The following LMF2 variants were observed in gnomAD, a reference collection of about 807,000 sequenced individuals.
LMF2 encodes the protein transmembrane protein 112B.
In LMF2, 113 loss-of-function variants were observed where a neutral mutation model predicts 81.5. The observed-to-expected ratio is 1.39, with a 90% CI of 1.19 to 1.62. The LOEUF (loss-of-function observed/expected upper bound fraction) is 1.62, where lower values mean the gene tolerates loss of function less well. LMF2 is among the 40% of genes most tolerant of loss of function. The probability of loss-of-function intolerance (pLI) is 0.00; values close to 1 mark genes in which losing one functional copy is unlikely to be tolerated. For synonymous variants in LMF2, 645 were observed against 424.5 expected (o/e 1.52, Z -6.39); for missense variants, 1,235 against 929.1 (o/e 1.33, Z -4.28).
In LMF2 at chr22:50,506,498, A is replaced by G; in HGVS notation, c.382T>C (p.Ser128Pro). The G allele has an allele frequency of 6.4e-7, 1 of 1,560,316 alleles. No individual in the cohort carries two copies. Among genetic ancestry groups the G allele is most frequent in the Non-Finnish European group, 8.7e-7 (1 of 1,155,376 alleles). The stretch of plus-strand genomic sequence containing the variant: ...AGGAAGCCAGTCTCTAGCAGCAGGG[A>G]GTCCCTATGGGGAGAGCAAATAGCA... ...GQVFLYFQWD[S>P]LLLETGFLAV... The change falls in exon 4 of 14, where the codon TCC (serine) becomes CCC (proline). Residue 128 changes from serine (S) to proline (P), a missense_variant. Transcript: ENST00000474879.
chr22:50,505,766 T>C lies in LMF2; in HGVS notation c.824A>G (p.Asn275Ser), dbSNP rs1186958806. The C allele has an allele frequency of 1.2e-6, 2 of 1,613,170 alleles. No homozygotes were observed. Among genetic ancestry groups the C allele is most frequent in the East Asian group, 2.2e-5 (1 of 44,868 alleles). Residue 275 changes from asparagine (N) to serine (S), a missense_variant, in exon 6 of 14, where the codon AAC (asparagine) becomes AGC (serine). Physicochemically the swap from Asn to Ser is conservative, Grantham distance 46. Coordinates refer to ENST00000474879, the MANE Select transcript of LMF2 (RefSeq NM_033200.3). Reference sequence around the variant, plus strand: ...AGTGGTAAGCACCAGCGTCATCAGGTTGAAGAAGTTGTAGTTGCCGGTGAT... The same window carrying C: ...AGTGGTAAGCACCAGCGTCATCAGGCTGAAGAAGTTGTAGTTGCCGGTGAT... Reference protein sequence around the residue: ...IIITGNYNFFNLMTLVLTTAL... With the variant: ...IIITGNYNFFSLMTLVLTTAL...
In LMF2 at chr22:50,505,413, G is replaced by C. The variant is rs780870819; in HGVS notation, c.1041C>G (p.His347Gln). The C allele has an allele frequency of 1.2e-6, 2 of 1,613,046 alleles. No homozygotes were observed. The highest frequency in any genetic ancestry group is 1.7e-5 in the Admixed American group (1 of 60,012). The change falls in exon 7 of 14, where the codon CAC becomes CAG. Residue 347 changes from histidine (H) to glutamine (Q), a missense_variant. By Grantham distance (24) the His-to-Gln change is conservative. Coordinates refer to ENST00000474879, the MANE Select transcript of LMF2 (RefSeq NM_033200.3). ...LEVDWQQRTIHSRTTFTFHQF... is the reference protein window; with the variant it reads ...LEVDWQQRTIQSRTTFTFHQF... ...CAGGTCGGCACTCACTGGTTCTGGA[G>C]TGGATGGTGCGCTGCTGCCAGTCAA...
intron 11 of LMF2, 44 bp from the exon 12 acceptor site, chr22:50,504,495 G>GCCCCACCCCCCCCCC: frequency 7.5e-7 from 1 of 1,339,596 alleles, no homozygotes; most frequent in Non-Finnish European, 1.0e-6. Flanking sequence ...TACCCGCCCT[G>GCCCCACCCCCCCCCC]CCCCTCCCCT....
At chr22:50,505,188 C>T in intron 8 of LMF2, 35 bp from the exon 9 acceptor site, 1 of 1,612,784 alleles carries the variant, frequency 6.2e-7, no homozygotes, top group South Asian at 1.1e-5. Context: ...CAGGCCGGCC[C>T]TGCACACCTG....
intron 3 of LMF2, 63 bp downstream of exon 3, chr22:50,506,575 G>C: frequency 1.3e-6 from 2 of 1,594,488 alleles, no homozygotes; most frequent in Non-Finnish European, 1.7e-6. Flanking sequence ...CTCCCAGGAA[G>C]GGCAGAGCCC....
chr22:50,504,958 C>G lies in LMF2; in HGVS notation c.1281G>C (p.Gly427=), dbSNP rs533892145. ...SLVPYSYVEP[G]THGRLWTGAH... is the part of the protein sequence containing the mutation. The stretch of plus-strand genomic sequence containing the variant: ...CCCCGGTCCAGAGGCGCCCGTGGGT[C>G]CCGGGCTCCACGTAGGAGTACGGCA... The change falls in exon 10 of 14, where the codon GGG becomes GGC. Residue 427 remains glycine, a synonymous_variant. Transcript: ENST00000474879. 3 of 1,608,610 alleles carry G rather than the reference C, an allele frequency of 1.9e-6. No homozygotes were observed. Among genetic ancestry groups the G allele is most frequent in the Middle Eastern group, 3.3e-4 (2 of 6,046 alleles).
rs539006796 is a variant in LMF2, at chr22:50,502,972, T to G, written c.*419A>C. The G allele has an allele frequency of 9.2e-5, 16 of 174,664 alleles. No homozygotes were observed. In the South Asian group the frequency reaches 2.1e-3, roughly 23 times the overall value. 10.8% of individuals were successfully genotyped at this position (174,664 alleles called of 1,614,324 possible). A position where few individuals can be genotyped will look rare whatever the true frequency, so the allele number is the denominator to read the frequency against. ...CAGCCAAGCACAAAAGACGCCTTTA[T>G]TGGTGCCCAGATCTAAAGGGCAGGA... On this transcript the variant is annotated 3_prime_UTR_variant, in exon 14 of 14. Transcript: ENST00000474879.
chr22:50,506,244 C>CGA (rs1487042169), intron 4 of LMF2, 31 bp from the exon 5 acceptor site: 1 of 1,548,040 alleles, frequency 6.5e-7, no homozygotes, highest in Non-Finnish European at 8.7e-7. Context: ...CAGGGCTGGC[C>CGA]GAGCCCCCAG....
Position 50,506,497 on chromosome 22 carries a change from G to T in LMF2, c.383C>A (p.Ser128Tyr). The change falls in exon 4 of 14, where the codon TCC becomes TAC. Residue 128 changes from serine to tyrosine, a missense_variant. Coordinates refer to ENST00000474879, the MANE Select transcript of LMF2 (RefSeq NM_033200.3). ...GQVFLYFQWDSLLLETGFLAV... is the reference protein window; with the variant it reads ...GQVFLYFQWDYLLLETGFLAV... ...CAGGAAGCCAGTCTCTAGCAGCAGG[G>T]AGTCCCTATGGGGAGAGCAAATAGC... is the stretch of plus-strand genomic sequence containing the variant. 1 of 1,559,726 alleles carries T rather than the reference G, an allele frequency of 6.4e-7. No individual in the cohort carries two copies.
At position 50,504,570 on chromosome 22, in the gene LMF2, C is replaced by A; in HGVS notation, c.1595G>T (p.Gly532Val). The change falls in exon 11 of 14, where the codon GGC (glycine) becomes GTC (valine). Residue 532 changes from glycine (G) to valine (V), a missense_variant. Coordinates refer to ENST00000474879, the MANE Select transcript of LMF2 (RefSeq NM_033200.3). ...FTSLVLRLLQ[G>V]KEPVIRLVQS... ...AGCCCGCTCCGCACCTGGCTCCTTG[C>A]CCTGCAGCAGGCGCAAGACCAGGCT... 6.4e-7 allele frequency: 1 copy of A among 1,558,008 alleles called. No homozygotes were observed. The highest frequency in any genetic ancestry group is 8.7e-7 in the Non-Finnish European group (1 of 1,153,014).
Position 50,505,516 on chromosome 22 carries a change from G to A in LMF2, c.938C>T (p.Ala313Val), listed in dbSNP as rs1240362248. The A allele has an allele frequency of 5.0e-6, 8 of 1,612,562 alleles. No individual in the cohort carries two copies. The highest frequency in any genetic ancestry group is 5.9e-6 in the Non-Finnish European group (7 of 1,180,010). ...TATSWPKALL[A>V]TLSLLLELAV... Reference sequence around the variant, plus strand: ...TAGTTCCAGCAGCAGCGACAGGGTGGCCAGCAGGGCCTTGGGCCAGGCTGT... The same window carrying A: ...TAGTTCCAGCAGCAGCGACAGGGTGACCAGCAGGGCCTTGGGCCAGGCTGT... Residue 313 changes from alanine to valine, a missense_variant, in exon 7 of 14, where the codon GCC (alanine) becomes GTC (valine). Coordinates refer to ENST00000474879, the MANE Select transcript of LMF2 (RefSeq NM_033200.3).
Position 50,504,433 on chromosome 22 carries a change from C to G in LMF2, c.1625G>C (p.Ser542Thr), listed in dbSNP as rs143227882. Residue 542 changes from serine to threonine, a missense_variant, in exon 12 of 14, where the codon AGC becomes ACC. Ser to Thr is a moderately conservative substitution (Grantham distance 58). Transcript: ENST00000474879. Reference sequence around the variant, plus strand: ...GTGGAAGGGATACCTGGCCACTTGGCTCTGGACAAGGCGGATCACTGCAGC... The same window carrying G: ...GTGGAAGGGATACCTGGCCACTTGGGTCTGGACAAGGCGGATCACTGCAGC... ...GKEPVIRLVQSQVARYPFHKQ... is the reference protein window; with the variant it reads ...GKEPVIRLVQTQVARYPFHKQ... 1,662 of 1,612,044 alleles carry G rather than the reference C, an allele frequency of 1.0e-3. 10 individuals carry two copies. The highest frequency in any genetic ancestry group is 3.8e-3 in the East Asian group (172 of 44,822).
In LMF2 at chr22:50,507,046, G is replaced by A; in HGVS notation, c.95-11C>T. The A allele has an allele frequency of 6.3e-7, 1 of 1,583,190 alleles. No individual in the cohort carries two copies. The highest frequency in any genetic ancestry group is 8.5e-7 in the Non-Finnish European group (1 of 1,171,056). ...CGGGGCCATACAGGCCTGTGGGAGG[G>A]CATGTCATGGCCAGGCCCTGGACAG... On this transcript the variant is annotated splice_polypyrimidine_tract_variant and intron_variant, in intron 1 of 13. Transcript: ENST00000474879.
intron 12 of LMF2, among the ~76,000 whole-genome samples, 153 bp from the exon 13 acceptor site, chr22:50,504,057 ACC>A (rs1463955728): frequency 9.1e-5 from 1 of 10,940 alleles, no homozygotes; most frequent in Non-Finnish European, 1.6e-4. Flanking sequence ...TCCACACCCC[ACC>A]CGGTGCCCGG....
At chr22:50,505,576 C>A in intron 6 of LMF2, 39 bp from the exon 7 acceptor site, 1 of 1,611,952 alleles carries the variant, frequency 6.2e-7, no homozygotes, top group Non-Finnish European at 8.5e-7. Flanking sequence ...AGAGGGTCCC[C>A]AGCCAGGGGG....
At chr22:50,503,940 C>T (rs762889971) in intron 12 of LMF2, 36 bp from the exon 13 acceptor site, 4 of 1,577,376 alleles carry the variant, frequency 2.5e-6, no homozygotes, top group Non-Finnish European at 3.5e-6. Context: ...GCTGGAGGCA[C>T]CCCGGGCTCC....
rs369435012 is a variant in LMF2 at position 50,505,832 on chromosome 22, C to T, written c.775-17G>A. ...CAGCAGCACCTGGGGGCGGCCCGCTCTCAGTGCTCCCGGAGACTGACGCCT... is the reference window on the plus strand; with the variant it reads ...CAGCAGCACCTGGGGGCGGCCCGCTTTCAGTGCTCCCGGAGACTGACGCCT... On this transcript the variant is annotated splice_polypyrimidine_tract_variant and intron_variant, in intron 5 of 13. Transcript: ENST00000474879. 14 of 1,611,960 alleles carry T rather than the reference C, an allele frequency of 8.7e-6. No homozygotes were observed. The highest frequency in any genetic ancestry group is 1.7e-4 in the Middle Eastern group (1 of 6,044).
rs1569517915 is a variant in LMF2 at position 50,503,826 on chromosome 22, G to A, written c.1797C>T (p.Leu599=). ...CCCTTACCTGTAGTCCAAACTGCCTGAGCAGCGTCTCCAGCGTGGGGTCCC... is the reference window on the plus strand; with the variant it reads ...CCCTTACCTGTAGTCCAAACTGCCTAAGCAGCGTCTCCAGCGTGGGGTCCC... ...SLGDPTLETL[L]RQFGLQEKSP... is the part of the protein sequence containing the mutation. The change falls in exon 13 of 14, where the codon CTC becomes CTT. Residue 599 remains leucine (L), a synonymous_variant. Transcript: ENST00000474879. 2 of 1,605,812 alleles carry A rather than the reference G, an allele frequency of 1.2e-6. No homozygotes were observed. Among genetic ancestry groups the A allele is most frequent in the Non-Finnish European group, 1.7e-6 (2 of 1,179,388 alleles).
chr22:50,505,579 C>A, intron 6 of LMF2, 42 bp from the exon 7 acceptor site: 1 of 1,611,794 alleles, frequency 6.2e-7, no homozygotes, highest in Non-Finnish European at 8.5e-7. Context: ...GGGTCCCCAG[C>A]CAGGGGGCTG....
Sources: gnomAD v4.1 joint callset for allele counts (sites outside exome capture counted in the v4.1 genomes callset) on GRCh38, gnomAD v4.1.1 for gene constraint, MANE v1.5 for transcripts, NCBI Gene and HGNC (gene_info 2026-07-23, HGNC 2026-07-21) for gene names.